Variants in LRRC58 observed in about 807,000 individuals in gnomAD.
LRRC58 encodes leucine rich repeat containing 58.
Under a neutral mutation model 30.6 loss-of-function variants are expected in LRRC58, and 18 were observed. The observed-to-expected ratio is 0.59, with a 90% CI of 0.41 to 0.87. The LOEUF (loss-of-function observed/expected upper bound fraction) is 0.87, where lower values mean the gene tolerates loss of function less well. Ranked by LOEUF, LRRC58 falls within the 40% of genes least tolerant of loss-of-function variation. LRRC58 has a pLI of 0.00. For missense variants in LRRC58, 420 were observed against 468.4 expected, an observed-to-expected ratio of 0.90 and a Z score of 0.95; for synonymous variants, 221 against 206.0, an observed-to-expected ratio of 1.07 and a Z score of -0.62.
intron 1 of LRRC58, among the ~76,000 whole-genome samples, chr3:120,343,329 A>G (rs750556140): frequency 2.0e-5 from 3 of 152,208 alleles, no homozygotes; most frequent in Non-Finnish European, 2.9e-5. Flanking sequence ...TTTCTATAAC[A>G]CACTCTACTG....
chr3:120,336,032 C>T lies in LRRC58; in HGVS notation c.501-79G>A, dbSNP rs59021384. ...CCCATTGTGTCTACTACAAAAAACA[C>T]GTTTCATCTATTCATTCAGCAAATG... On this transcript the variant is annotated intron_variant, in intron 1 of 3. Transcript: ENST00000295628. 6.1e-3 allele frequency: 5,980 copies of T among 987,770 alleles called. 51 individuals are homozygous for T. Among genetic ancestry groups the T allele is most frequent in the African/African-American group, 0.037 (2,241 of 61,216 alleles). 61.2% of individuals were successfully genotyped at this position (987,770 alleles called of 1,614,324 possible). A position where few individuals can be genotyped will look rare whatever the true frequency, so the allele number is the denominator to read the frequency against.
chr3:120,324,755 A>G lies in LRRC58; in HGVS notation c.*6445T>C, dbSNP rs1191104017. Reference sequence around the variant, plus strand: ...CCCATATATTCTTTTAAGAGCATTTAGCATTACAAGGCAATATATAAATTT... The same window carrying G: ...CCCATATATTCTTTTAAGAGCATTTGGCATTACAAGGCAATATATAAATTT... On this transcript the variant is annotated 3_prime_UTR_variant, in exon 4 of 4. Coordinates refer to ENST00000295628, the MANE Select transcript of LRRC58 (RefSeq NM_001099678.2). The G allele has an allele frequency of 1.3e-5, 2 of 152,184 alleles. No individual in the cohort carries two copies. The highest frequency in any genetic ancestry group is 3.8e-4 in the East Asian group (2 of 5,202). The allele number at this position is 152,184 out of a possible 1,614,324, so 9.4% of individuals were successfully genotyped here. A position where few individuals can be genotyped will look rare whatever the true frequency, so the allele number is the denominator to read the frequency against.
intron 1 of LRRC58, among the ~76,000 whole-genome samples, chr3:120,339,858 AT>A (rs796095882): frequency 3.3e-5 from 5 of 151,104 alleles, no homozygotes; most frequent in Admixed American, 2.0e-4. Flanking sequence ...CAGTTTTTTA[AT>A]TTTTTTTTAA....
chr3:120,337,968 G>A (rs904300917), intron 1 of LRRC58, among the ~76,000 whole-genome samples: 5 of 151,862 alleles, frequency 3.3e-5, no homozygotes, highest in African/African-American at 7.3e-5. Flanking sequence ...TCAGCCTCCC[G>A]AGGAGCTAGG....
At chr3:120,345,805 A>T (rs757905333) in intron 1 of LRRC58, among the ~76,000 whole-genome samples, 2 of 152,240 alleles carry the variant, frequency 1.3e-5, no homozygotes, top group Non-Finnish European at 2.9e-5. Context: ...GAAAACAGTG[A>T]CGTTAAAGAT....
At chr3:120,339,082 G>A (rs1476105956) in intron 1 of LRRC58, among the ~76,000 whole-genome samples, 3 of 152,112 alleles carry the variant, frequency 2.0e-5, no homozygotes, top group Non-Finnish European at 2.9e-5. Context: ...TGATATGTTC[G>A]GACTTGTGTT....
chr3:120,338,869 G>A (rs901399649), intron 1 of LRRC58, among the ~76,000 whole-genome samples: 2 of 152,210 alleles, frequency 1.3e-5, no homozygotes, highest in Non-Finnish European at 2.9e-5. Flanking sequence ...TGGCTATTGA[G>A]TGGCAAACAA....
At position 120,349,142 on chromosome 3, in the gene LRRC58, C is replaced by T; in HGVS notation, c.102G>A (p.Ala34=). 3 of 1,504,254 alleles carry T rather than the reference C, an allele frequency of 2.0e-6. No homozygotes were observed. Among genetic ancestry groups the T allele is most frequent in the South Asian group, 2.5e-5 (2 of 80,546 alleles). The allele number at this position is 1,504,254 out of a possible 1,614,324, so 93.2% of individuals were successfully genotyped here. A position where few individuals can be genotyped will look rare whatever the true frequency, so the allele number is the denominator to read the frequency against. Residue 34 remains alanine, a synonymous_variant, in exon 1 of 4, where the codon GCG becomes GCA. Transcript: ENST00000295628. ...GCGCCCCGCGCCGCTCCTCCCCCCG[C>T]GCCTCCAGCTCAGACTCCAGCGTCT... is the stretch of plus-strand genomic sequence containing the variant. The part of the protein sequence containing the change: ...STETLESELE[A]RGEERRGARE...
chr3:120,348,983 C>T lies in LRRC58; in HGVS notation c.261G>A (p.Leu87=). 6.6e-7 allele frequency: 1 copy of T among 1,525,098 alleles called. No individual in the cohort carries two copies. The highest frequency in any genetic ancestry group is 8.8e-7 in the Non-Finnish European group (1 of 1,141,896). 94.5% of individuals were successfully genotyped at this position (1,525,098 alleles called of 1,614,324 possible). ...GCGTGCGCAGGCCGCGCAGAGCGAG[C>T]AGCTCCGGCCCGAGCGCGGTCAACG... The part of the protein sequence containing the change: ...GNALTALGPE[L]LALRGLRTLL... Residue 87 remains leucine, a synonymous_variant, in exon 1 of 4, where the codon CTG becomes CTA. Transcript: ENST00000295628.
At chr3:120,347,360 T>G (rs1935980931) in intron 1 of LRRC58, among the ~76,000 whole-genome samples, 1 of 148,642 alleles carries the variant, frequency 6.7e-6, no homozygotes, top group South Asian at 2.2e-4. Flanking sequence ...CAAGAGTTCT[T>G]TTTTCCCAGG....
intron 1 of LRRC58, among the ~76,000 whole-genome samples, chr3:120,341,850 C>A (rs1440564886): frequency 6.6e-6 from 1 of 151,972 alleles, no homozygotes; most frequent in Non-Finnish European, 1.5e-5. Flanking sequence ...AGAAGCCCCA[C>A]CCTCCTGGGT....
At chr3:120,337,251 ACCT>A (rs1383035510) in intron 1 of LRRC58, among the ~76,000 whole-genome samples, 1 of 152,222 alleles carries the variant, frequency 6.6e-6, no homozygotes, top group African/African-American at 2.4e-5. Flanking sequence ...GCACTCCTTA[ACCT>A]ACAACTTTGC....
At position 120,325,109 on chromosome 3, in the gene LRRC58, T is replaced by A. The variant is rs1935655200; in HGVS notation, c.*6091A>T. On this transcript the variant is annotated 3_prime_UTR_variant, in exon 4 of 4. Coordinates refer to ENST00000295628, the MANE Select transcript of LRRC58 (RefSeq NM_001099678.2). ...AGCAGGCTCAGAAATGCAAAAAACC[T>A]CAACTGCAGGCACACGTCTTTACAT... The A allele has an allele frequency of 6.6e-6, 1 of 152,182 alleles. No homozygotes were observed. Among genetic ancestry groups the A allele is most frequent in the African/African-American group, 2.4e-5 (1 of 41,446 alleles). 9.4% of individuals were successfully genotyped at this position (152,182 alleles called of 1,614,324 possible).
chr3:120,340,630 T>C (rs1935892740), intron 1 of LRRC58, among the ~76,000 whole-genome samples: 1 of 152,098 alleles, frequency 6.6e-6, no homozygotes, highest in Non-Finnish European at 1.5e-5. Flanking sequence ...TCCCAGCACT[T>C]TGGGAGGCTG....
chr3:120,347,747 C>T (rs994558252), intron 1 of LRRC58, among the ~76,000 whole-genome samples: 1 of 152,176 alleles, frequency 6.6e-6, no homozygotes, highest in African/African-American at 2.4e-5. Flanking sequence ...CTACCTTTAA[C>T]GTTCTGTTAT....
chr3:120,326,402 C>G lies in LRRC58; in HGVS notation c.*4798G>C, dbSNP rs1935674076. ...CAGGCTGATCTCGAACCCCTGACCT[C>G]AGGTGATCTGCCTGCCTCTGCCTCC... On this transcript the variant is annotated 3_prime_UTR_variant, in exon 4 of 4. Coordinates refer to ENST00000295628, the MANE Select transcript of LRRC58 (RefSeq NM_001099678.2). 6.6e-6 allele frequency: 1 copy of G among 152,214 alleles called. No homozygotes were observed. The highest frequency in any genetic ancestry group is 2.4e-5 in the African/African-American group (1 of 41,448). 9.4% of individuals were successfully genotyped at this position (152,214 alleles called of 1,614,324 possible). A position where few individuals can be genotyped will look rare whatever the true frequency, so the allele number is the denominator to read the frequency against.
chr3:120,338,593 A>G (rs141190224), intron 1 of LRRC58, among the ~76,000 whole-genome samples: 2,327 of 152,342 alleles, frequency 0.015, 24 homozygotes, highest in Non-Finnish European at 0.027. Flanking sequence ...TTAGGAGATG[A>G]CATCTGAACA....
intron 1 of LRRC58, among the ~76,000 whole-genome samples, chr3:120,337,491 T>C (rs1411959278): frequency 6.6e-6 from 1 of 152,172 alleles, no homozygotes; most frequent in African/African-American, 2.4e-5. Context: ...CATTAATTTG[T>C]TGGGAGTTCT....
Position 120,348,798 on chromosome 3 carries a change from C to G in LRRC58, c.446G>C (p.Ser149Thr), listed in dbSNP as rs1353507748. Residue 149 changes from serine to threonine, a missense_variant, in exon 1 of 4, where the codon AGC (serine) becomes ACC (threonine). By Grantham distance (58) the Ser-to-Thr change is moderately conservative. Around this residue, in one of 2 missense-constraint regions of LRRC58, gnomAD observed 266 missense variants for 251.7 expected, o/e 1.06. Transcript: ENST00000295628. ...GCTCTGCAGTTGGTTGCCGCCCAGGCTCAGGGTCTGCAGCGCGCGCAGCTC... is the reference window on the plus strand; with the variant it reads ...GCTCTGCAGTTGGTTGCCGCCCAGGGTCAGGGTCTGCAGCGCGCGCAGCTC... ...LLELRALQTL[S>T]LGGNQLQSIP... 1 of 1,607,072 alleles carries G rather than the reference C, an allele frequency of 6.2e-7. No individual in the cohort carries two copies. The highest frequency in any genetic ancestry group is 1.1e-5 in the South Asian group (1 of 89,456).
Sources: gnomAD v4.1 joint callset for allele counts (sites outside exome capture counted in the v4.1 genomes callset) on GRCh38, gnomAD v4.1.1 for gene constraint, gnomAD v4.1.1 regional missense constraint, MANE v1.5 for transcripts, NCBI Gene and HGNC (gene_info 2026-07-23, HGNC 2026-07-21) for gene names.